CFAP221: variants seen among roughly 807,000 people sequenced by gnomAD.
CFAP221 encodes cilia- and flagella-associated protein 221.
In CFAP221, 97 loss-of-function variants were observed where a neutral mutation model predicts 113.1. That is an observed-to-expected ratio of 0.86 (90% CI 0.73 to 1.02). The LOEUF is 1.02. Ranked by LOEUF, CFAP221 falls within the 50% of genes least tolerant of loss-of-function variation. The probability of loss-of-function intolerance (pLI) is 0.00; values close to 1 mark genes in which losing one functional copy is unlikely to be tolerated. For synonymous variants in CFAP221, 331 were observed against 354.4 expected, an observed-to-expected ratio of 0.93 and a Z score of 0.74; for missense variants, 1,025 against 1,013.4, an observed-to-expected ratio of 1.01 and a Z score of -0.16.
intron 23 of CFAP221, 27 bp from the exon 24 acceptor site, chr2:119,656,335 T>A (rs1392120167): frequency 1.3e-6 from 2 of 1,596,626 alleles, no homozygotes; most frequent in Admixed American, 3.3e-5. Flanking sequence ...GTCCTCATGT[T>A]TCCTTCTTGG....
chr2:119,588,764 A>G lies in CFAP221; in HGVS notation c.631+1542A>G, dbSNP rs186864096. On this transcript the variant is annotated intron_variant, in intron 7 of 23. Coordinates refer to ENST00000413369, the MANE Select transcript of CFAP221 (RefSeq NM_001271049.2). ...AAATTTGTCCTTTAAGTGAAATTAA[A>G]TTGAATATACCAGTTTGGAGTTGAG... Among the ~76,000 whole-genome samples the G allele has an allele frequency of 2.6e-5, 4 of 152,328 alleles. No homozygotes were observed. In the East Asian group the frequency reaches 7.7e-4, roughly 29 times the overall value.
At chr2:119,645,587 AT>A (rs1172011219) in intron 21 of CFAP221, among the ~76,000 whole-genome samples, 2 of 151,098 alleles carry the variant, frequency 1.3e-5, no homozygotes, top group Non-Finnish European at 1.5e-5. Flanking sequence ...TGGTGCTATA[AT>A]TTTTTTTTCA....
At chr2:119,557,074 T>A (rs1339867725) in intron 3 of CFAP221, 1 of 152,172 alleles carries the variant, frequency 6.6e-6, no homozygotes, top group East Asian at 1.9e-4. Context: ...TCAGGAATAC[T>A]GGAAAAATGG....
intron 22 of CFAP221, among the ~76,000 whole-genome samples, chr2:119,648,910 C>CTG (rs1294842477): frequency 3.9e-5 from 6 of 152,220 alleles, no homozygotes; most frequent in Non-Finnish European, 7.3e-5. Context: ...AAGGTCTGGG[C>CTG]TGTGATCACT....
At position 119,601,369 on chromosome 2, in the gene CFAP221, G is replaced by A; in HGVS notation, c.783G>A (p.Met261Ile). 1 of 1,518,148 alleles carries A rather than the reference G, an allele frequency of 6.6e-7. No individual in the cohort carries two copies. 94.0% of individuals were successfully genotyped at this position (1,518,148 alleles called of 1,614,324 possible). ...TCACCGGAACATGCTATCCCAACAT[G>A]GCCTTACCGTATGGCGTCTTTGCAG... ...CVFTGTCYPN[M>I]ALPLEEFERL... The change falls in exon 8 of 24, where the codon ATG (methionine) becomes ATA (isoleucine). Residue 261 changes from methionine to isoleucine, a missense_variant. By Grantham distance (10) the Met-to-Ile change is conservative (BLOSUM62 1). Transcript: ENST00000413369.
intron 6 of CFAP221, chr2:119,572,422 ATC>A: frequency 3.5e-6 from 2 of 563,506 alleles, no homozygotes; most frequent in Non-Finnish European, 6.4e-6. Context: ...ATAAAATACA[ATC>A]TCAATCTTCT....
At chr2:119,552,034 T>C (rs1483525861) in intron 3 of CFAP221, among the ~76,000 whole-genome samples, 1 of 152,070 alleles carries the variant, frequency 6.6e-6, no homozygotes, top group Non-Finnish European at 1.5e-5. Flanking sequence ...TCAAGAAATA[T>C]TGACATTTTT....
In CFAP221 at chr2:119,605,238, A is replaced by T. The variant is rs148985492; in HGVS notation, c.1082A>T (p.Glu361Val). The change falls in exon 11 of 24, where the codon GAA becomes GTA. Residue 361 changes from glutamate (E) to valine (V), a missense_variant. Coordinates refer to ENST00000413369, the MANE Select transcript of CFAP221 (RefSeq NM_001271049.2). ...AGACAGATGAAGGAGGCACTCTTTG[A>T]ACAGAAAGTCAGACAGGACATTCAC... ...KTRQMKEALF[E>V]QKVRQDIHEE... is the part of the protein sequence containing the mutation. The T allele has an allele frequency of 4.9e-4, 791 of 1,614,242 alleles. 9 individuals are homozygous for T. In the South Asian group the frequency reaches 8.2e-3, roughly 17 times the overall value.
At chr2:119,577,998 A>G (rs1574045302) in intron 6 of CFAP221, among the ~76,000 whole-genome samples, 1 of 152,174 alleles carries the variant, frequency 6.6e-6, no homozygotes, top group South Asian at 2.1e-4. Flanking sequence ...GGGCTGCTCA[A>G]CTGGGAGCTG....
intron 3 of CFAP221, among the ~76,000 whole-genome samples, chr2:119,555,667 G>A (rs1454002421): frequency 6.6e-6 from 1 of 152,182 alleles, no homozygotes; most frequent in African/African-American, 2.4e-5. Flanking sequence ...GAGATGTGCT[G>A]AGCCATGAGA....
intron 21 of CFAP221, among the ~76,000 whole-genome samples, chr2:119,640,603 A>G (rs1035397669): frequency 6.6e-6 from 1 of 152,198 alleles, no homozygotes; most frequent in African/African-American, 2.4e-5. Flanking sequence ...ATTGGTGAAC[A>G]GATGTGACTG....
intron 1 of CFAP221, among the ~76,000 whole-genome samples, chr2:119,544,851 G>T (rs898345662): frequency 6.6e-6 from 1 of 152,130 alleles, no homozygotes; most frequent in Admixed American, 6.5e-5. Flanking sequence ...GGCGGTGGGC[G>T]AGCCGGCGTG....
intron 6 of CFAP221, among the ~76,000 whole-genome samples, chr2:119,581,424 G>A (rs1372465226): frequency 2.0e-5 from 3 of 152,056 alleles, no homozygotes; most frequent in African/African-American, 7.2e-5. Flanking sequence ...TATAGTCACC[G>A]AAAACTTAAA....
In CFAP221 at chr2:119,656,449, C is replaced by T. The variant is rs774493012; in HGVS notation, c.2502C>T (p.Asn834=). ...EMRNLRGKAL[N]TYLILE Reference sequence around the variant, plus strand: ...GGAACCTGCGGGGCAAAGCACTCAACACATACCTGATTCTAGAATGAAAGT... The same window carrying T: ...GGAACCTGCGGGGCAAAGCACTCAATACATACCTGATTCTAGAATGAAAGT... The change falls in exon 24 of 24, where the codon AAC becomes AAT. Residue 834 remains asparagine, a synonymous_variant. Coordinates refer to ENST00000413369, the MANE Select transcript of CFAP221 (RefSeq NM_001271049.2). 4 of 1,613,672 alleles carry T rather than the reference C, an allele frequency of 2.5e-6. No individual in the cohort carries two copies. The highest frequency in any genetic ancestry group is 2.7e-5 in the African/African-American group (2 of 74,908).
intron 14 of CFAP221, among the ~76,000 whole-genome samples, chr2:119,621,942 A>G (rs1035123950): frequency 2.6e-5 from 4 of 152,164 alleles, no homozygotes; most frequent in African/African-American, 9.6e-5. Context: ...GCAGGAAAGA[A>G]CTAAAATCGA....
intron 21 of CFAP221, among the ~76,000 whole-genome samples, chr2:119,644,592 A>G (rs1008432782): frequency 2.0e-5 from 3 of 152,164 alleles, no homozygotes; most frequent in East Asian, 3.9e-4. Context: ...TCTGGGTGCT[A>G]TGTATACACA....
rs377302067 is a variant in CFAP221, at chr2:119,645,103, G to GCT, written c.2226-1840_2226-1839dup. On this transcript the variant is annotated intron_variant, in intron 21 of 23. Coordinates refer to ENST00000413369, the MANE Select transcript of CFAP221 (RefSeq NM_001271049.2). The stretch of plus-strand genomic sequence containing the variant: ...TTCTCTTTCTTTTCTCATTCCTTTA[G>GCT]CTCTCTCTCTCTCTCTGTCTCTGTC... Among the ~76,000 whole-genome samples, 21 of 136,316 alleles carry GCT rather than the reference G, an allele frequency of 1.5e-4. No individual in the cohort carries two copies. The Middle Eastern group carries it at 0.013, about 85-fold the overall frequency. The allele number at this position is 136,316 out of a possible 152,430, so 89.4% of individuals were successfully genotyped here. A position where few individuals can be genotyped will look rare whatever the true frequency, so the allele number is the denominator to read the frequency against.
At chr2:119,658,175 G>T (rs1688496430), downstream of CFAP221, among the ~76,000 whole-genome samples, 1 of 152,106 alleles carries the variant, frequency 6.6e-6, no homozygotes, top group Non-Finnish European at 1.5e-5. Flanking sequence ...ATGTCCATGA[G>T]CTGTCCCTCA....
chr2:119,635,154 C>T (rs566444481), intron 19 of CFAP221, among the ~76,000 whole-genome samples: 3 of 152,200 alleles, frequency 2.0e-5, no homozygotes, highest in East Asian at 1.9e-4. Flanking sequence ...CAAATTAAAA[C>T]GTCAATGAGA....
Sources: gnomAD v4.1 joint callset for allele counts (sites outside exome capture counted in the v4.1 genomes callset) on GRCh38, gnomAD v4.1.1 for gene constraint, MANE v1.5 for transcripts, NCBI Gene and HGNC (gene_info 2026-07-23, HGNC 2026-07-21) for gene names.